The following HMG20A variants were observed in gnomAD, a reference collection of about 807,000 sequenced individuals.
The protein encoded by HMG20A is high mobility group 20A.
A neutral mutation model predicts 43.9 loss-of-function variants in HMG20A; 17 were observed. That is an observed-to-expected ratio of 0.39 (90% confidence interval 0.27 to 0.58). HMG20A has a LOEUF of 0.58. HMG20A is among the 20% of genes least tolerant of loss of function. The pLI is 0.59. For synonymous variants in HMG20A, 132 were observed against 147.5 expected (o/e 0.89, Z 0.76); for missense variants, 341 against 438.2 (o/e 0.78, Z 1.98).
the HMG20A span, among the ~76,000 whole-genome samples, chr15:77,505,091 G>A: frequency 1.1e-3 from 162 of 152,258 alleles, no homozygotes; most frequent in African/African-American, 3.8e-3. Flanking sequence ...TTGATCAAAC[G>A]CCTTCCTCTC....
the HMG20A span, among the ~76,000 whole-genome samples, chr15:77,496,163 C>T: frequency 6.6e-6 from 1 of 152,148 alleles, no homozygotes; most frequent in Non-Finnish European, 1.5e-5. Flanking sequence ...CCCAAATGTC[C>T]CTGTCTTAAA....
chr15:77,459,172 G>A (rs1409133894), intron 2 of HMG20A, among the ~76,000 whole-genome samples: 2 of 152,156 alleles, frequency 1.3e-5, no homozygotes, highest in Non-Finnish European at 2.9e-5. Flanking sequence ...TTAAAAAATA[G>A]GCTATACTTT....
At chr15:77,464,155 T>G in intron 2 of HMG20A, 85 bp from the exon 3 acceptor site, 1 of 1,428,008 alleles carries the variant, frequency 7.0e-7, no homozygotes, top group Non-Finnish European at 9.7e-7. Context: ...GACTGGCATG[T>G]GCTTTTGCTG....
At chr15:77,497,761 T>C in the HMG20A span, among the ~76,000 whole-genome samples, 2 of 151,572 alleles carry the variant, frequency 1.3e-5, no homozygotes, top group Non-Finnish European at 2.9e-5. Context: ...GGATGGCTGG[T>C]GAACTATACT....
intron 1 of HMG20A, among the ~76,000 whole-genome samples, chr15:77,436,988 G>GC (rs1352769357): frequency 1.3e-5 from 2 of 152,164 alleles, no homozygotes; most frequent in East Asian, 3.9e-4. Context: ...TTTTTCTCCA[G>GC]CCACAAGCCG....
chr15:77,471,011 G>A lies in HMG20A; in HGVS notation c.552G>A (p.Gln184=). Residue 184 remains glutamine, a synonymous_variant, in exon 5 of 10, where the codon CAG becomes CAA. Transcript: ENST00000336216. ...ACAAGGTCTTCAGTAGGAAAACCCA[G>A]GACCGTCAGAAAGGCAAATCTCATA... is the stretch of plus-strand genomic sequence containing the variant. ...EAYKVFSRKT[Q]DRQKGKSHRQ... The A allele has an allele frequency of 6.2e-7, 1 of 1,612,106 alleles. No individual in the cohort carries two copies. Among genetic ancestry groups the A allele is most frequent in the Non-Finnish European group, 8.5e-7 (1 of 1,179,350 alleles).
At chr15:77,489,228 G>A (rs189738801), downstream of HMG20A, among the ~76,000 whole-genome samples, 4 of 152,302 alleles carry the variant, frequency 2.6e-5, no homozygotes, top group Admixed American at 2.0e-4. Context: ...AGGCCACTCT[G>A]CTGTGCTTTT....
chr15:77,479,121 G>A (rs2072883668), intron 8 of HMG20A, 58 bp from the exon 9 acceptor site: 1 of 1,548,576 alleles, frequency 6.5e-7, no homozygotes, highest in Admixed American at 1.7e-5. Context: ...TTGAAATTGT[G>A]TTTTATGGTA....
At chr15:77,487,502 A>G (rs879688112), downstream of HMG20A, among the ~76,000 whole-genome samples, 46 of 152,264 alleles carry the variant, frequency 3.0e-4, no homozygotes, top group Admixed American at 1.2e-3. Flanking sequence ...ACTGGCTTCC[A>G]TCTGAGTTGC....
chr15:77,431,620 A>G (rs1006960378), intron 1 of HMG20A, among the ~76,000 whole-genome samples: 4 of 152,184 alleles, frequency 2.6e-5, no homozygotes, highest in African/African-American at 7.2e-5. Context: ...GCTAATTAAC[A>G]TATGTATTAC....
intron 1 of HMG20A, among the ~76,000 whole-genome samples, chr15:77,429,768 T>C (rs901264445): frequency 2.0e-5 from 3 of 152,216 alleles, no homozygotes; most frequent in Non-Finnish European, 2.9e-5. Flanking sequence ...CTGTAAGACA[T>C]TCATTTTTCA....
At chr15:77,518,943 A>C in the HMG20A span, among the ~76,000 whole-genome samples, 3 of 152,282 alleles carry the variant, frequency 2.0e-5, no homozygotes, top group African/African-American at 7.2e-5. Flanking sequence ...CCATCTGCTA[A>C]CCTGCTTGGA....
intron 1 of HMG20A, among the ~76,000 whole-genome samples, chr15:77,434,032 T>C (rs1396111776): frequency 6.6e-6 from 1 of 152,208 alleles, no homozygotes; most frequent in African/African-American, 2.4e-5. Flanking sequence ...GGCGCAAGGA[T>C]AGACAGATCT....
chr15:77,510,360 C>T, the HMG20A span, among the ~76,000 whole-genome samples: 3 of 152,230 alleles, frequency 2.0e-5, no homozygotes, highest in Non-Finnish European at 4.4e-5. Flanking sequence ...CACTCCTCCC[C>T]CTTCCAGTGT....
intron 1 of HMG20A, among the ~76,000 whole-genome samples, chr15:77,454,385 A>T (rs1341669727): frequency 6.6e-6 from 1 of 152,190 alleles, no homozygotes; most frequent in Non-Finnish European, 1.5e-5. Flanking sequence ...TATATCAATT[A>T]TATCTTCCAA....
In HMG20A at chr15:77,471,020, G is replaced by C. The variant is rs758393256; in HGVS notation, c.561G>C (p.Gln187His). The change falls in exon 5 of 10, where the codon CAG becomes CAC. Residue 187 changes from glutamine (Q) to histidine (H), a missense_variant. Coordinates refer to ENST00000336216, the MANE Select transcript of HMG20A (RefSeq NM_001304504.2). ...KVFSRKTQDR[Q>H]KGKSHRQDAA... Reference sequence around the variant, plus strand: ...TCAGTAGGAAAACCCAGGACCGTCAGAAAGGCAAATCTCATAGGCAAGGTA... The same window carrying C: ...TCAGTAGGAAAACCCAGGACCGTCACAAAGGCAAATCTCATAGGCAAGGTA... 3.1e-6 allele frequency: 5 copies of C among 1,612,282 alleles called. No homozygotes were observed. In the Admixed American group the frequency reaches 8.4e-5, roughly 27 times the overall value.
chr15:77,479,689 A>G (rs547240221), intron 9 of HMG20A: 11 of 162,284 alleles, frequency 6.8e-5, no homozygotes, highest in African/African-American at 2.6e-4. Flanking sequence ...TAGCTTTGTC[A>G]CTTATTAGCT....
At chr15:77,425,351 G>A (rs916085669) in intron 1 of HMG20A, among the ~76,000 whole-genome samples, 3 of 152,166 alleles carry the variant, frequency 2.0e-5, no homozygotes, top group East Asian at 1.9e-4. Flanking sequence ...GTAAATATTT[G>A]TGGACGTGAG....
chr15:77,437,844 G>T (rs912899552), intron 1 of HMG20A, among the ~76,000 whole-genome samples: 2 of 152,178 alleles, frequency 1.3e-5, no homozygotes, highest in African/African-American at 2.4e-5. Context: ...AAAGTGTTGG[G>T]ATTACATGTG....
Sources: gnomAD v4.1 joint callset for allele counts (sites outside exome capture counted in the v4.1 genomes callset) on GRCh38, gnomAD v4.1.1 for gene constraint, MANE v1.5 for transcripts, NCBI Gene and HGNC (gene_info 2026-07-23, HGNC 2026-07-21) for gene names.